The following CPS1 variants were observed in gnomAD, a reference collection of about 807,000 sequenced individuals.
The protein encoded by CPS1 is carbamoyl-phosphate synthase 1, also known as carbamoyl-phosphate synthase [ammonia], mitochondrial.
CPS1 carries 109 observed loss-of-function variants against 174.6 expected under a neutral mutation model. The ratio of observed to expected loss-of-function variants is 0.62; its 90% confidence interval spans 0.53 to 0.73. The LOEUF is 0.73. CPS1 is among the 30% of genes least tolerant of loss of function. The pLI, the probability that CPS1 is intolerant of heterozygous loss-of-function variation, is 0.00. For missense variants in CPS1, 1,689 were observed against 1,821.9 expected (o/e 0.93, Z 1.33); for synonymous variants, 637 against 632.0 (o/e 1.01, Z -0.12).
chr2:210,568,851 T>A (rs1489767578), intron 1 of CPS1, among the ~76,000 whole-genome samples: 1 of 152,114 alleles, frequency 6.6e-6, no homozygotes, highest in African/African-American at 2.4e-5. Flanking sequence ...TGAAACATGG[T>A]TAAAATAAAA....
At chr2:210,505,704 T>C (rs1049610440) in intron 1 of CPS1, among the ~76,000 whole-genome samples, 1 of 152,166 alleles carries the variant, frequency 6.6e-6, no homozygotes, top group Non-Finnish European at 1.5e-5. Flanking sequence ...ACTTTGCTTT[T>C]CCAACCGTCT....
chr2:210,487,810 T>G (rs1574460967), intron 1 of CPS1, among the ~76,000 whole-genome samples: 2 of 152,326 alleles, frequency 1.3e-5, no homozygotes, highest in South Asian at 4.1e-4. Flanking sequence ...TGCTCCCAGC[T>G]GTACATATCA....
chr2:210,517,948 C>T (rs1695725241), intron 1 of CPS1, among the ~76,000 whole-genome samples: 1 of 151,952 alleles, frequency 6.6e-6, no homozygotes, highest in African/African-American at 2.4e-5. Flanking sequence ...AGACCCAGGC[C>T]ATTATACATG....
Position 210,507,838 on chromosome 2 carries a change from T to A in CPS1, c.3+30072T>A, listed in dbSNP as rs1385682202. ...AACAAGAAGAGCTAACTATCCTAAA[T>A]ATATATGCACCCAATACAGGAGCAC... On this transcript the variant is annotated intron_variant, in intron 1 of 38. Transcript: ENST00000430249. 3.9e-5 allele frequency among the ~76,000 whole-genome samples: 6 copies of A among 152,180 alleles called. No individual in the cohort carries two copies. The East Asian group carries it at 1.2e-3, about 29-fold the overall frequency.
intron 21 of CPS1, among the ~76,000 whole-genome samples, chr2:210,621,514 C>T (rs960837563): frequency 2.0e-5 from 3 of 152,046 alleles, no homozygotes; most frequent in Non-Finnish European, 2.9e-5. Context: ...CTCCCAATGC[C>T]GACGCTTTCA....
chr2:210,616,365 CA>C, intron 20 of CPS1, 57 bp from the exon 21 acceptor site: 1 of 1,218,868 alleles, frequency 8.2e-7, no homozygotes. Flanking sequence ...TATTTTAAAC[CA>C]AATAAGACAT....
At chr2:210,610,073 T>C (rs1177991947) in intron 19 of CPS1, among the ~76,000 whole-genome samples, 2 of 151,984 alleles carry the variant, frequency 1.3e-5, no homozygotes, top group African/African-American at 4.8e-5. Flanking sequence ...TTTTAAATCT[T>C]ATTTTTCAAA....
intron 28 of CPS1, among the ~76,000 whole-genome samples, chr2:210,651,120 T>A (rs561463081): frequency 1.1e-4 from 17 of 152,076 alleles, no homozygotes; most frequent in Non-Finnish European, 2.5e-4. Flanking sequence ...AATGTTTTCC[T>A]TTTAAAAGCT....
chr2:210,625,016 G>A (rs552587063), intron 21 of CPS1, among the ~76,000 whole-genome samples: 2 of 152,076 alleles, frequency 1.3e-5, no homozygotes, highest in Non-Finnish European at 2.9e-5. Context: ...TGAACTAAGC[G>A]TGATGGGATA....
intron 1 of CPS1, among the ~76,000 whole-genome samples, chr2:210,489,028 G>T (rs1331324941): frequency 6.6e-6 from 1 of 152,104 alleles, no homozygotes; most frequent in Non-Finnish European, 1.5e-5. Context: ...TAAGAATTAT[G>T]AAAATTTATT....
intron 11 of CPS1, among the ~76,000 whole-genome samples, 175 bp downstream of exon 11, chr2:210,593,131 T>A (rs768088143): frequency 6.6e-6 from 1 of 151,930 alleles, no homozygotes; most frequent in Non-Finnish European, 1.5e-5. Context: ...CAGAGGAAAT[T>A]TTTATCTTTT....
chr2:210,601,295 C>T (rs955231427), intron 15 of CPS1, among the ~76,000 whole-genome samples: 1 of 151,832 alleles, frequency 6.6e-6, no homozygotes, highest in Non-Finnish European at 1.5e-5. Context: ...GTTTTTGCCC[C>T]TGACTTTATT....
chr2:210,490,784 C>A (rs1452956737), intron 1 of CPS1, among the ~76,000 whole-genome samples: 1 of 152,208 alleles, frequency 6.6e-6, no homozygotes, highest in Non-Finnish European at 1.5e-5. Context: ...CCATGATACA[C>A]ATGTACACAA....
chr2:210,599,322 C>G (rs1553512201), intron 13 of CPS1, 50 bp from the exon 14 acceptor site: 3 of 1,553,638 alleles, frequency 1.9e-6, no homozygotes, highest in Non-Finnish European at 2.7e-6. Flanking sequence ...TGTGGTCATT[C>G]TCTTCTTTAG....
At chr2:210,629,459 C>T (rs185803766) in intron 21 of CPS1, among the ~76,000 whole-genome samples, 9 of 151,996 alleles carry the variant, frequency 5.9e-5, no homozygotes, top group South Asian at 2.1e-4. Flanking sequence ...GGACTACAGG[C>T]GCCTGCCACC....
At position 210,582,597 on chromosome 2, in the gene CPS1, T is replaced by G; in HGVS notation, c.529-20T>G. 1.3e-6 allele frequency: 2 copies of G among 1,591,180 alleles called. No individual in the cohort carries two copies. The highest frequency in any genetic ancestry group is 1.7e-6 in the Non-Finnish European group (2 of 1,159,330). On this transcript the variant is annotated intron_variant, in intron 5 of 37. Transcript: ENST00000233072. ...TTATCGTTGCTTCCTTTTAACTGTC[T>G]AATTTTTTTAATTTGATAGGGTACC...
At chr2:210,643,318 CTTATAA>C (rs1184518843) in intron 25 of CPS1, among the ~76,000 whole-genome samples, 1 of 152,028 alleles carries the variant, frequency 6.6e-6, no homozygotes, top group East Asian at 1.9e-4. Context: ...AATAAATTAT[CTTATAA>C]TTAAAATAAA....
intron 1 of CPS1, among the ~76,000 whole-genome samples, chr2:210,532,238 A>G (rs1696133415): frequency 6.6e-6 from 1 of 152,130 alleles, no homozygotes; most frequent in African/African-American, 2.4e-5. Context: ...CGTTAAAGTG[A>G]AGCAACAAGG....
At chr2:210,524,351 A>T (rs1345228604) in intron 1 of CPS1, among the ~76,000 whole-genome samples, 2 of 152,012 alleles carry the variant, frequency 1.3e-5, no homozygotes, top group Non-Finnish European at 2.9e-5. Context: ...CAAGGTATTA[A>T]ATTAACTTAA....
Sources: allele counts gnomAD v4.1 joint callset (sites outside exome capture counted in the v4.1 genomes callset), GRCh38; gene constraint gnomAD v4.1.1; transcripts MANE v1.5; gene names NCBI Gene and HGNC (gene_info 2026-07-23, HGNC 2026-07-21).